Variants in EDEM3 observed in about 807,000 individuals in gnomAD.
EDEM3 encodes the protein ER degradation enhancing alpha-mannosidase like protein 3, also known as ER degradation-enhancing alpha-mannosidase-like protein 3.
EDEM3 carries 60 observed loss-of-function variants against 110.2 expected under a neutral mutation model. The ratio of observed to expected loss-of-function variants is 0.54; its 90% CI spans 0.44 to 0.67. The LOEUF is 0.67. EDEM3 is among the 30% of genes least tolerant of loss of function. EDEM3 has a pLI of 0.00. For synonymous variants in EDEM3, 352 were observed against 382.9 expected (o/e 0.92, Z 0.94); for missense variants, 996 against 1,121.0 (o/e 0.89, Z 1.59).
intron 8 of EDEM3, among the ~76,000 whole-genome samples, chr1:184,723,250 A>G (rs905745860): frequency 1.3e-5 from 2 of 151,950 alleles, no homozygotes; most frequent in African/African-American, 4.8e-5. Context: ...TAATCCTCAT[A>G]CAGAACAACT....
intron 1 of EDEM3, among the ~76,000 whole-genome samples, chr1:184,752,881 A>G (rs1053215317): frequency 1.3e-5 from 2 of 152,190 alleles, no homozygotes; most frequent in African/African-American, 2.4e-5. Flanking sequence ...TGTGGATCAT[A>G]TTCATTGGGA....
chr1:184,726,620 T>C lies in EDEM3; in HGVS notation c.613-231A>G, dbSNP rs972676811. ...AAGCTTTTATTTCATTCCATCCTCA[T>C]TGACATCAAAACTCAATTACTTCCC... is the stretch of plus-strand genomic sequence containing the variant. On this transcript the variant is annotated intron_variant, in intron 6 of 19. Coordinates refer to ENST00000318130, the MANE Select transcript of EDEM3 (RefSeq NM_025191.4). Among the ~76,000 whole-genome samples, 12 of 152,216 alleles carry C rather than the reference T, an allele frequency of 7.9e-5. No individual in the cohort carries two copies. In the East Asian group the frequency reaches 1.7e-3, roughly 22 times the overall value.
At chr1:184,707,699 G>A (rs1484530552) in intron 17 of EDEM3, among the ~76,000 whole-genome samples, 1 of 152,164 alleles carries the variant, frequency 6.6e-6, no homozygotes, top group Non-Finnish European at 1.5e-5. Flanking sequence ...TACAACTATA[G>A]AGGATGGACT....
intron 2 of EDEM3, 48 bp from the exon 3 acceptor site, chr1:184,737,759 C>G: frequency 6.6e-7 from 1 of 1,504,628 alleles, no homozygotes; most frequent in Non-Finnish European, 9.2e-7. Context: ...AGCGAAAGCA[C>G]ACATCATTTT....
At chr1:184,710,665 T>A (rs1650176079) in intron 15 of EDEM3, 118 bp from the exon 16 acceptor site, 1 of 1,157,330 alleles carries the variant, frequency 8.6e-7, no homozygotes, top group Non-Finnish European at 1.2e-6. Flanking sequence ...CTAGTGAAAC[T>A]GGAATAACTA....
rs77135261 is a variant in EDEM3 at position 184,701,710 on chromosome 1, G to A, written c.2389+1101C>T. Among the ~76,000 whole-genome samples the A allele has an allele frequency of 2.9e-3, 435 of 152,034 alleles. 5 individuals are homozygous for A. In the East Asian group the frequency reaches 0.036, roughly 13 times the overall value. On this transcript the variant is annotated intron_variant, in intron 19 of 19. Transcript: ENST00000318130. The stretch of plus-strand genomic sequence containing the variant: ...AGGAAAAAAAAATCAGGTATACAGA[G>A]GATTTAAGACTAGAAAACCTTTGTA...
chr1:184,725,723 A>AT (rs1214219540), intron 7 of EDEM3, among the ~76,000 whole-genome samples: 2 of 151,922 alleles, frequency 1.3e-5, no homozygotes, highest in Non-Finnish European at 2.9e-5. Flanking sequence ...AAATAATTAG[A>AT]TTTTTTTAAT....
chr1:184,717,183 G>T (rs1650599331), intron 12 of EDEM3, among the ~76,000 whole-genome samples, 171 bp from the exon 13 acceptor site: 2 of 151,928 alleles, frequency 1.3e-5, no homozygotes, highest in South Asian at 4.1e-4. Flanking sequence ...CTGCTTTACA[G>T]AATTTCTTAA....
chr1:184,714,610 C>T (rs1025724119), intron 13 of EDEM3, among the ~76,000 whole-genome samples: 3 of 152,124 alleles, frequency 2.0e-5, no homozygotes, highest in Non-Finnish European at 4.4e-5. Context: ...CCACAAGGCA[C>T]TGGTTGGGGT....
At chr1:184,754,414 CG>C in intron 1 of EDEM3, 74 bp downstream of exon 1, 1 of 1,595,026 alleles carries the variant, frequency 6.3e-7, no homozygotes, top group African/African-American at 1.4e-5. Flanking sequence ...ACTACGCGAC[CG>C]GGTCGCAATG....
chr1:184,695,199 G>A (rs890143044), intron 19 of EDEM3, among the ~76,000 whole-genome samples: 1 of 151,912 alleles, frequency 6.6e-6, no homozygotes, highest in African/African-American at 2.4e-5. Flanking sequence ...AAATAGCATC[G>A]ACGCCTACAT....
chr1:184,713,683 A>G (rs1222474842), intron 13 of EDEM3, among the ~76,000 whole-genome samples: 1 of 152,220 alleles, frequency 6.6e-6, no homozygotes, highest in Non-Finnish European at 1.5e-5. Flanking sequence ...TGATTAAAGA[A>G]TGAGCTGGAG....
At chr1:184,749,672 T>A (rs1159454780) in intron 1 of EDEM3, 80 bp from the exon 2 acceptor site, 3 of 1,168,936 alleles carry the variant, frequency 2.6e-6, no homozygotes, top group Non-Finnish European at 3.5e-6. Flanking sequence ...AAAAAGTTAA[T>A]TCTTCCTCAT....
At chr1:184,751,085 T>G (rs1652735524) in intron 1 of EDEM3, among the ~76,000 whole-genome samples, 1 of 138,256 alleles carries the variant, frequency 7.2e-6, no homozygotes, top group African/African-American at 2.4e-5. Flanking sequence ...TAATAACCAC[T>G]TAAAAACATT....
At chr1:184,729,771 A>C (rs1651396615) in intron 6 of EDEM3, among the ~76,000 whole-genome samples, 1 of 152,302 alleles carries the variant, frequency 6.6e-6, no homozygotes, top group East Asian at 1.9e-4. Context: ...TCAGAGTATA[A>C]GAAAATAATA....
At chr1:184,749,431 A>G in intron 2 of EDEM3, 116 bp downstream of exon 2, 2 of 845,462 alleles carry the variant, frequency 2.4e-6, no homozygotes, top group South Asian at 1.8e-5. Context: ...CCTGTTTTTT[A>G]AAAACTTCCT....
chr1:184,753,870 T>C (rs142850593), intron 1 of EDEM3, among the ~76,000 whole-genome samples: 3 of 152,190 alleles, frequency 2.0e-5, no homozygotes, highest in Admixed American at 6.5e-5. Context: ...ATGGTGTAAA[T>C]AGAATTGATA....
Position 184,706,775 on chromosome 1 carries a change from T to C in EDEM3, c.2071A>G (p.Asn691Asp). ...GGGTTAGTAAGCTCTGAACAACCAT[T>C]GGATGGTTTACTGCTTGCAACAAAT... Reference protein sequence around the residue: ...RGFVASSKPSNGCSELTNPEA... With the variant: ...RGFVASSKPSDGCSELTNPEA... Residue 691 changes from asparagine (N) to aspartate (D), a missense_variant, in exon 18 of 20, where the codon AAT (asparagine) becomes GAT (aspartate). Transcript: ENST00000318130. 1 of 1,613,884 alleles carries C rather than the reference T, an allele frequency of 6.2e-7. No homozygotes were observed. The highest frequency in any genetic ancestry group is 8.5e-7 in the Non-Finnish European group (1 of 1,179,860).
chr1:184,733,122 A>G (rs1338915258), intron 5 of EDEM3, 132 bp from the exon 6 acceptor site: 6 of 840,236 alleles, frequency 7.1e-6, no homozygotes. Context: ...AACATTATTT[A>G]CTTAACACTG....
Sources: gnomAD v4.1 joint callset for allele counts (sites outside exome capture counted in the v4.1 genomes callset) on GRCh38, gnomAD v4.1.1 for gene constraint, MANE v1.5 for transcripts, NCBI Gene and HGNC (gene_info 2026-07-23, HGNC 2026-07-21) for gene names.